ATP2B4: variants seen among roughly 807,000 people sequenced by gnomAD.
ATP2B4 encodes plasma membrane calcium-transporting ATPase 4.
Under a neutral mutation model 110.3 loss-of-function variants are expected in ATP2B4, and 39 were observed. That is an observed-to-expected ratio of 0.35 (90% CI 0.27 to 0.46). ATP2B4 has a LOEUF of 0.46. Ranked by LOEUF, ATP2B4 falls within the 20% of genes least tolerant of loss-of-function variation. The pLI is 1.00. For missense variants in ATP2B4, 1,135 were observed against 1,530.9 expected (o/e 0.74, Z 4.32); for synonymous variants, 538 against 571.7 (o/e 0.94, Z 0.84).
intron 14 of ATP2B4, 143 bp from the exon 15 acceptor site, chr1:203,714,028 T>G (rs1666088659): frequency 1.4e-6 from 1 of 734,322 alleles, no homozygotes. Flanking sequence ...ATGAAACAAC[T>G]TACTGCCCTT....
At chr1:203,712,824 T>C (rs1242993266) in intron 13 of ATP2B4, among the ~76,000 whole-genome samples, 2 of 151,984 alleles carry the variant, frequency 1.3e-5, no homozygotes, top group East Asian at 3.9e-4. Context: ...CTGAGCTACA[T>C]AGAAATCAAA....
rs1335905123 is a variant in ATP2B4 at position 203,657,772 on chromosome 1, C to G, written c.-464-24970C>G. The G allele has an allele frequency of 7.8e-6, 5 of 644,398 alleles. No homozygotes were observed. In the African/African-American group the frequency reaches 9.3e-5, roughly 12 times the overall value. 39.9% of individuals were successfully genotyped at this position (644,398 alleles called of 1,614,324 possible). ...TCGTTCTGTGGCATGGTGACAGGCG[C>G]AGAACCACCAGGAGTAGCCCCTGAG... On this transcript the variant is annotated intron_variant, in intron 1 of 20. Coordinates refer to ENST00000357681, the MANE Select transcript of ATP2B4 (RefSeq NM_001684.5).
At chr1:203,650,928 TG>T (rs1663971014) in intron 1 of ATP2B4, among the ~76,000 whole-genome samples, 2 of 152,328 alleles carry the variant, frequency 1.3e-5, no homozygotes, top group South Asian at 2.1e-4. Flanking sequence ...ATATTGTGTA[TG>T]TTTTTTTGTT....
At position 203,658,469 on chromosome 1, in the gene ATP2B4, C is replaced by T. The variant is rs141286421; in HGVS notation, c.-464-24273C>T. Among the ~76,000 whole-genome samples, 26 of 150,784 alleles carry T rather than the reference C, an allele frequency of 1.7e-4. 1 individual carries two copies. In the East Asian group the frequency reaches 2.7e-3, roughly 16 times the overall value. ...TCACTTGAGCCCAGGAGATTCAGTC[C>T]GCAGTGAGCTATGATGGCGCCACTG... On this transcript the variant is annotated intron_variant, in intron 1 of 20. Transcript: ENST00000357681.
intron 1 of ATP2B4, among the ~76,000 whole-genome samples, chr1:203,656,602 C>T (rs548918635): frequency 5.3e-5 from 8 of 152,226 alleles, no homozygotes; most frequent in Non-Finnish European, 7.4e-5. Flanking sequence ...TAATGAATAA[C>T]GAGGTAGAAG....
chr1:203,714,258 C>G lies in ATP2B4; in HGVS notation c.2387C>G (p.Ala796Gly). 6.2e-7 allele frequency: 1 copy of G among 1,614,094 alleles called. No homozygotes were observed. The highest frequency in any genetic ancestry group is 1.3e-5 in the African/African-American group (1 of 75,038). Residue 796 changes from alanine to glycine, a missense_variant, in exon 15 of 21, where the codon GCG (alanine) becomes GGG (glycine). Ala to Gly is a moderately conservative substitution (Grantham distance 60, BLOSUM62 0). Coordinates refer to ENST00000357681, the MANE Select transcript of ATP2B4 (RefSeq NM_001684.5). Reference protein sequence around the residue: ...GTNDGPALKKADVGFAMGIAG... With the variant: ...GTNDGPALKKGDVGFAMGIAG... Reference sequence around the variant, plus strand: ...AATGACGGGCCTGCTCTGAAGAAAGCGGATGTTGGTTTTGCCATGGTAAGC... The same window carrying G: ...AATGACGGGCCTGCTCTGAAGAAAGGGGATGTTGGTTTTGCCATGGTAAGC...
In ATP2B4 at chr1:203,700,810, T is replaced by C. The variant is rs770290758; in HGVS notation, c.788T>C (p.Met263Thr). ...DPMLLSGTHVMEGSGRMVVTA... is the reference protein window; with the variant it reads ...DPMLLSGTHVTEGSGRMVVTA... The stretch of plus-strand genomic sequence containing the variant: ...CTTTCCCGTGTAGGGACCCATGTCA[T>C]GGAAGGTTCTGGCCGGATGGTGGTG... Residue 263 changes from methionine (M) to threonine (T), a missense_variant, in exon 6 of 21, where the codon ATG becomes ACG. By Grantham distance (81) the Met-to-Thr change is moderately conservative. Around this residue, in one of 9 missense-constraint regions of ATP2B4, gnomAD observed 162 missense variants for 210.5 expected, o/e 0.77. Transcript: ENST00000357681. 1.2e-6 allele frequency: 2 copies of C among 1,613,294 alleles called. No individual in the cohort carries two copies. The highest frequency in any genetic ancestry group is 1.3e-5 in the African/African-American group (1 of 74,776).
chr1:203,694,989 G>A (rs1665490299), intron 2 of ATP2B4, among the ~76,000 whole-genome samples: 1 of 152,214 alleles, frequency 6.6e-6, no homozygotes, highest in African/African-American at 2.4e-5. Context: ...CATGAGAGCA[G>A]AGAGGGACAG....
intron 1 of ATP2B4, among the ~76,000 whole-genome samples, chr1:203,630,707 G>A (rs1663242586): frequency 6.6e-6 from 1 of 152,140 alleles, no homozygotes; most frequent in African/African-American, 2.4e-5. Context: ...ACCCAGCCCA[G>A]TTCCCTGCTT....
chr1:203,656,264 C>T (rs6688427), intron 1 of ATP2B4, among the ~76,000 whole-genome samples: 149,420 of 152,262 alleles, frequency 0.98, 73,400 homozygotes, highest in Middle Eastern at 1. Flanking sequence ...TTAGCTGGAG[C>T]TGCTTAAACT....
At chr1:203,680,404 C>A (rs1369082219) in intron 1 of ATP2B4, among the ~76,000 whole-genome samples, 1 of 151,970 alleles carries the variant, frequency 6.6e-6, no homozygotes, top group South Asian at 2.1e-4. Context: ...GGTCAGGAGA[C>A]CAAGACCATC....
intron 1 of ATP2B4, among the ~76,000 whole-genome samples, chr1:203,641,461 T>C (rs1467730892): frequency 6.6e-6 from 1 of 152,112 alleles, no homozygotes; most frequent in Non-Finnish European, 1.5e-5. Context: ...ACTACATTCT[T>C]CACCACACCA....
intron 19 of ATP2B4, among the ~76,000 whole-genome samples, chr1:203,725,568 G>A (rs112625391): frequency 6.6e-6 from 1 of 152,350 alleles, no homozygotes; most frequent in African/African-American, 2.4e-5. Context: ...TTACTATACA[G>A]TAATGAATAA....
intron 1 of ATP2B4, among the ~76,000 whole-genome samples, chr1:203,673,286 T>C (rs1039922464): frequency 6.6e-6 from 1 of 152,208 alleles, no homozygotes. Context: ...TTTGCCCCAG[T>C]TCTCCAGAGG....
At chr1:203,678,953 T>C (rs1331901984) in intron 1 of ATP2B4, among the ~76,000 whole-genome samples, 1 of 152,116 alleles carries the variant, frequency 6.6e-6, no homozygotes, top group Non-Finnish European at 1.5e-5. Context: ...AGAACAGATG[T>C]TATAGGAATT....
intron 19 of ATP2B4, among the ~76,000 whole-genome samples, chr1:203,724,865 C>CTCAT (rs1214526316): frequency 9.9e-6 from 1 of 101,454 alleles, no homozygotes; most frequent in East Asian, 3.1e-4. Flanking sequence ...ATCCAGCTCT[C>CTCAT]TGTTTTTTTT....
chr1:203,732,194 T>C (rs191141523), intron 20 of ATP2B4, among the ~76,000 whole-genome samples: 1 of 141,670 alleles, frequency 7.1e-6, no homozygotes, highest in East Asian at 2.1e-4. Flanking sequence ...AGGAAGAAAA[T>C]GAATGGCATT....
rs183918559 is a variant in ATP2B4, at chr1:203,722,694, G to C, written c.3024+5G>C. On this transcript the variant is annotated splice_donor_5th_base_variant and intron_variant, in intron 18 of 20. Transcript: ENST00000357681. ...TTGGGCACATTCATCTGCCAGGTGA[G>C]ATTCTATCTGCAGTTGGGGCAGGAG... 1,027 of 1,613,726 alleles carry C rather than the reference G, an allele frequency of 6.4e-4. 3 individuals are homozygous for C. The highest frequency in any genetic ancestry group is 7.8e-4 in the Non-Finnish European group (915 of 1,179,628).
chr1:203,672,206 T>C (rs1646662178), intron 1 of ATP2B4, among the ~76,000 whole-genome samples: 1 of 152,116 alleles, frequency 6.6e-6, no homozygotes, highest in African/African-American at 2.4e-5. Context: ...GGCCGCACCT[T>C]CCCTTTTGGA....
Sources: allele counts gnomAD v4.1 joint callset (sites outside exome capture counted in the v4.1 genomes callset), GRCh38; gene constraint gnomAD v4.1.1; regional missense constraint gnomAD v4.1.1; transcripts MANE v1.5; gene names NCBI Gene and HGNC (gene_info 2026-07-23, HGNC 2026-07-21).